The following ARID2 variants were observed in gnomAD, a reference collection of about 807,000 sequenced individuals.
ARID2 encodes the protein AT-rich interactive domain-containing protein 2.
Under a neutral mutation model 184.6 loss-of-function variants are expected in ARID2, and 32 were observed. The observed-to-expected ratio is 0.17, with a 90% confidence interval of 0.13 to 0.23. The LOEUF is 0.23. Ranked by LOEUF, ARID2 falls within the 10% of genes least tolerant of loss-of-function variation. The probability of loss-of-function intolerance (pLI) is 1.00; values close to 1 mark genes in which losing one functional copy is unlikely to be tolerated. For synonymous variants in ARID2, 836 were observed against 772.6 expected, an observed-to-expected ratio of 1.08 and a Z score of -1.36; for missense variants, 1,696 against 2,197.6, an observed-to-expected ratio of 0.77 and a Z score of 4.56.
intron 3 of ARID2, among the ~76,000 whole-genome samples, chr12:45,737,301 G>A (rs527427420): frequency 1.3e-5 from 2 of 152,126 alleles, no homozygotes; most frequent in African/African-American, 4.8e-5. Flanking sequence ...TTTTGGTGGA[G>A]CCCCAGGGAG....
chr12:45,772,788 ATT>A (rs1425555779), intron 3 of ARID2, among the ~76,000 whole-genome samples: 2 of 152,208 alleles, frequency 1.3e-5, no homozygotes, highest in African/African-American at 4.8e-5. Context: ...GAAAGAGGCA[ATT>A]TAAAAATAAT....
chr12:45,835,588 TGAAGA>T (rs1943205112), intron 6 of ARID2, among the ~76,000 whole-genome samples: 1 of 152,162 alleles, frequency 6.6e-6, no homozygotes, highest in African/African-American at 2.4e-5. Context: ...TATTCAGAGT[TGAAGA>T]AATTCTAAAG....
chr12:45,851,462 G>A lies in ARID2; in HGVS notation c.3339G>A (p.Gly1113=), dbSNP rs1390951505. The stretch of plus-strand genomic sequence containing the variant: ...AAGCCGCAGGTTTTGGAGTGCAGGG[G>A]CAAACTCCAGCTCAGCAGCTATTGG... The part of the protein sequence containing the change: ...SNQAAGFGVQ[G]QTPAQQLLVG... Residue 1113 remains glycine, a synonymous_variant, in exon 15 of 21, where the codon GGG becomes GGA. Coordinates refer to ENST00000334344, the MANE Select transcript of ARID2 (RefSeq NM_152641.4). The A allele has an allele frequency of 9.9e-6, 16 of 1,614,000 alleles. No individual in the cohort carries two copies. Among genetic ancestry groups the A allele is most frequent in the African/African-American group, 1.3e-5 (1 of 74,908 alleles).
At chr12:45,879,137 T>A (rs1025968169) in intron 16 of ARID2, among the ~76,000 whole-genome samples, 1 of 152,214 alleles carries the variant, frequency 6.6e-6, no homozygotes, top group Non-Finnish European at 1.5e-5. Flanking sequence ...TGATTAAATC[T>A]CACTTTAAAA....
chr12:45,832,399 G>A (rs2138117466), intron 6 of ARID2, among the ~76,000 whole-genome samples: 1 of 152,086 alleles, frequency 6.6e-6, no homozygotes, highest in East Asian at 1.9e-4. Context: ...TTGGATCTGT[G>A]GTTTGGTATC....
At chr12:45,766,028 A>G (rs369530057) in intron 3 of ARID2, among the ~76,000 whole-genome samples, 12 of 152,110 alleles carry the variant, frequency 7.9e-5, no homozygotes, top group East Asian at 3.8e-4. Context: ...GTAGTATTCT[A>G]TTGTATTGAT....
Position 45,851,716 on chromosome 12 carries a change from C to T in ARID2, c.3593C>T (p.Pro1198Leu), listed in dbSNP as rs2138173143. The T allele has an allele frequency of 6.2e-7, 1 of 1,614,134 alleles. No homozygotes were observed. The highest frequency in any genetic ancestry group is 8.5e-7 in the Non-Finnish European group (1 of 1,180,006). Reference sequence around the variant, plus strand: ...GGAAATGCAACTCAGCTCATTGCTCCAGCAGGAATTACCATGAGCGGAACG... The same window carrying T: ...GGAAATGCAACTCAGCTCATTGCTCTAGCAGGAATTACCATGAGCGGAACG... Reference protein sequence around the residue: ...SQGNATQLIAPAGITMSGTQT... With the variant: ...SQGNATQLIALAGITMSGTQT... Residue 1198 changes from proline to leucine, a missense_variant, in exon 15 of 21, where the codon CCA (proline) becomes CTA (leucine). Around this residue, in one of 11 missense-constraint regions of ARID2, gnomAD observed 428 missense variants for 409.1 expected, o/e 1.05. Transcript: ENST00000334344.
chr12:45,730,013 T>G, intron 1 of ARID2, 31 bp from the exon 2 acceptor site: 1 of 1,610,998 alleles, frequency 6.2e-7, no homozygotes, highest in Non-Finnish European at 8.5e-7. Flanking sequence ...GGGTCCCGGC[T>G]GACAAGTGCG....
At chr12:45,824,381 C>T (rs1319824981) in intron 6 of ARID2, among the ~76,000 whole-genome samples, 1 of 151,988 alleles carries the variant, frequency 6.6e-6, no homozygotes, top group African/African-American at 2.4e-5. Context: ...TGAGGACACT[C>T]ACTTGCACCA....
At chr12:45,888,670 T>G (rs184898673) in intron 16 of ARID2, among the ~76,000 whole-genome samples, 129 of 152,300 alleles carry the variant, frequency 8.5e-4, no homozygotes, top group African/African-American at 2.9e-3. Flanking sequence ...TCCAAATAGA[T>G]TTATACATAT....
At chr12:45,787,371 A>G (rs1445684550) in intron 3 of ARID2, among the ~76,000 whole-genome samples, 1 of 151,574 alleles carries the variant, frequency 6.6e-6, no homozygotes, top group African/African-American at 2.4e-5. Flanking sequence ...GCATGCACCA[A>G]TATGTCTGGG....
At chr12:45,801,050 C>T (rs189414740) in intron 3 of ARID2, among the ~76,000 whole-genome samples, 15 of 152,256 alleles carry the variant, frequency 9.9e-5, no homozygotes, top group African/African-American at 3.1e-4. Context: ...TACTTTCTCA[C>T]GCCTGTAATC....
At chr12:45,808,759 GTA>G (rs1224021566) in intron 3 of ARID2, among the ~76,000 whole-genome samples, 64 of 148,416 alleles carry the variant, frequency 4.3e-4, no homozygotes, top group South Asian at 1.2e-3. Flanking sequence ...GTGTGTGTGT[GTA>G]TGTGTGTGTG....
intron 11 of ARID2, 43 bp from the exon 12 acceptor site, chr12:45,846,813 T>C (rs765855360): frequency 1.3e-6 from 2 of 1,589,080 alleles, no homozygotes; most frequent in Admixed American, 1.7e-5. Flanking sequence ...AAATAGTGAC[T>C]AACTTTTAAG....
At chr12:45,782,260 A>C (rs1350442921) in intron 3 of ARID2, among the ~76,000 whole-genome samples, 1 of 152,208 alleles carries the variant, frequency 6.6e-6, no homozygotes, top group African/African-American at 2.4e-5. Context: ...AGGTGTCAGA[A>C]GAATACATAG....
chr12:45,801,484 TA>T (rs1412493819), intron 3 of ARID2, among the ~76,000 whole-genome samples: 5 of 152,176 alleles, frequency 3.3e-5, no homozygotes, highest in African/African-American at 4.8e-5. Context: ...GATAACTTCA[TA>T]GTGTGATAAC....
At chr12:45,821,584 T>C in intron 6 of ARID2, 97 bp downstream of exon 6, 3 of 623,712 alleles carry the variant, frequency 4.8e-6, no homozygotes, top group Non-Finnish European at 7.6e-6. Context: ...TAATACTACC[T>C]ATACTTTTAT....
intron 20 of ARID2, chr12:45,904,297 G>C: frequency 1.4e-6 from 1 of 711,620 alleles, no homozygotes; most frequent in Non-Finnish European, 2.6e-6. Context: ...CAACCATTTT[G>C]TTCCTCTCCA....
intron 3 of ARID2, among the ~76,000 whole-genome samples, chr12:45,769,977 G>A (rs1281191890): frequency 6.6e-6 from 1 of 152,126 alleles, no homozygotes; most frequent in East Asian, 1.9e-4. Context: ...AGGCAAGGCC[G>A]GGCGCGGTGG....
Sources: gnomAD v4.1 joint callset for allele counts (sites outside exome capture counted in the v4.1 genomes callset) on GRCh38, gnomAD v4.1.1 for gene constraint, gnomAD v4.1.1 regional missense constraint, MANE v1.5 for transcripts, NCBI Gene and HGNC (gene_info 2026-07-23, HGNC 2026-07-21) for gene names.